RALYL: variants seen among roughly 807,000 people sequenced by gnomAD.
RALYL encodes RALY RNA binding protein like, also known as RNA-binding Raly-like protein.
In RALYL, 29 loss-of-function variants were observed where a neutral mutation model predicts 35.1. The observed-to-expected ratio is 0.83, with a 90% CI of 0.61 to 1.13. RALYL has a LOEUF of 1.13. RALYL is among the 50% of genes most tolerant of loss of function. RALYL has a pLI of 0.00. For missense variants in RALYL, 359 were observed against 360.4 expected (o/e 1.00, Z 0.03); for synonymous variants, 120 against 127.6 (o/e 0.94, Z 0.40).
At chr8:84,410,697 G>C (rs1477581092) in intron 1 of RALYL, among the ~76,000 whole-genome samples, 1 of 151,518 alleles carries the variant, frequency 6.6e-6, no homozygotes. Flanking sequence ...GCATTTTGTA[G>C]ATTAAATAAA....
chr8:84,887,217 T>C (rs1383847542), intron 7 of RALYL, among the ~76,000 whole-genome samples: 1 of 152,188 alleles, frequency 6.6e-6, no homozygotes, highest in Admixed American at 6.5e-5. Flanking sequence ...AAGTTCTATG[T>C]TGTATCTGAT....
At chr8:84,856,578 A>G (rs537169104) in intron 5 of RALYL, among the ~76,000 whole-genome samples, 79 of 152,314 alleles carry the variant, frequency 5.2e-4, no homozygotes, top group Middle Eastern at 6.8e-3. Flanking sequence ...GAATTTACTC[A>G]TTTACTGGTC....
At chr8:84,498,023 G>C (rs1352860276) in intron 1 of RALYL, among the ~76,000 whole-genome samples, 1 of 151,464 alleles carries the variant, frequency 6.6e-6, no homozygotes, top group African/African-American at 2.4e-5. Context: ...TTGTTACAGA[G>C]GTATATTGTG....
intron 8 of RALYL, among the ~76,000 whole-genome samples, chr8:84,889,581 A>T (rs1280197979): frequency 6.6e-6 from 1 of 152,166 alleles, no homozygotes; most frequent in Admixed American, 6.6e-5. Context: ...TCTTCATCAA[A>T]TACTAGAGCG....
chr8:84,495,811 A>C (rs2055942361), intron 1 of RALYL, among the ~76,000 whole-genome samples: 1 of 152,206 alleles, frequency 6.6e-6, no homozygotes, highest in South Asian at 2.1e-4. Flanking sequence ...CAAATGCATA[A>C]AGTGTCTCTT....
chr8:84,270,724 TGAG>T (rs1466422494), intron 1 of RALYL, among the ~76,000 whole-genome samples: 1 of 152,104 alleles, frequency 6.6e-6, no homozygotes, highest in Non-Finnish European at 1.5e-5. Flanking sequence ...ATATTAAAAA[TGAG>T]GAAGTGAAAT....
intron 2 of RALYL, among the ~76,000 whole-genome samples, chr8:84,653,534 C>T (rs533862041): frequency 1.3e-5 from 2 of 152,086 alleles, no homozygotes; most frequent in African/African-American, 4.8e-5. Flanking sequence ...ATTTGGTATA[C>T]TTTTCCCTCT....
At chr8:84,288,165 T>TG (rs1382606853) in intron 1 of RALYL, among the ~76,000 whole-genome samples, 1 of 152,046 alleles carries the variant, frequency 6.6e-6, no homozygotes, top group South Asian at 2.1e-4. Context: ...CTCCTGTTTT[T>TG]TTTTGTTTTG....
At chr8:84,320,841 A>G (rs889885560) in intron 1 of RALYL, among the ~76,000 whole-genome samples, 1 of 152,126 alleles carries the variant, frequency 6.6e-6, no homozygotes, top group Non-Finnish European at 1.5e-5. Flanking sequence ...ATAGATTATC[A>G]GATTTTTTTT....
chr8:84,187,005 T>C (rs1208130997), intron 1 of RALYL, among the ~76,000 whole-genome samples: 1 of 152,108 alleles, frequency 6.6e-6, no homozygotes, highest in Non-Finnish European at 1.5e-5. Flanking sequence ...TCAATTTAAT[T>C]GTGCAGATCT....
At chr8:84,832,429 G>A (rs1194412418) in intron 4 of RALYL, among the ~76,000 whole-genome samples, 1 of 152,052 alleles carries the variant, frequency 6.6e-6, no homozygotes, top group Non-Finnish European at 1.5e-5. Context: ...TAAGAATGAA[G>A]GCATCTAAAG....
At chr8:84,296,412 A>G (rs1180924664) in intron 1 of RALYL, among the ~76,000 whole-genome samples, 1 of 152,102 alleles carries the variant, frequency 6.6e-6, no homozygotes, top group African/African-American at 2.4e-5. Flanking sequence ...TCACATACAT[A>G]TATCCCAGGA....
At chr8:84,199,147 G>A (rs551987156) in intron 1 of RALYL, among the ~76,000 whole-genome samples, 55 of 151,804 alleles carry the variant, frequency 3.6e-4, no homozygotes, top group Non-Finnish European at 5.2e-4. Context: ...CCATATCCTC[G>A]CCAACATTTG....
chr8:84,334,140 T>C (rs963911232), intron 1 of RALYL, among the ~76,000 whole-genome samples: 1 of 152,106 alleles, frequency 6.6e-6, no homozygotes, highest in Non-Finnish European at 1.5e-5. Context: ...CACCTCAGCC[T>C]CCCCAAGTGC....
intron 1 of RALYL, among the ~76,000 whole-genome samples, chr8:84,386,731 G>A (rs1468930352): frequency 1.3e-5 from 2 of 151,718 alleles, no homozygotes; most frequent in Non-Finnish European, 2.9e-5. Context: ...ATCATCTTCA[G>A]GATAAACTAC....
chr8:84,397,055 T>C (rs1403068278), intron 1 of RALYL, among the ~76,000 whole-genome samples: 2 of 152,118 alleles, frequency 1.3e-5, no homozygotes, highest in Non-Finnish European at 2.9e-5. Context: ...GGGCCCAATG[T>C]AATTATACAG....
At chr8:84,773,969 A>C (rs2133580677) in intron 2 of RALYL, among the ~76,000 whole-genome samples, 1 of 152,268 alleles carries the variant, frequency 6.6e-6, no homozygotes, top group East Asian at 1.9e-4. Flanking sequence ...CTATAATCCC[A>C]ACACTTCGGG....
chr8:84,816,032 CAAAAA>C (rs5892931), intron 4 of RALYL, among the ~76,000 whole-genome samples: 1,123 of 84,228 alleles, frequency 0.013, 7 homozygotes, highest in African/African-American at 0.049. Context: ...GACTCTGTCT[CAAAAA>C]AAAAAAAAAA....
intron 1 of RALYL, among the ~76,000 whole-genome samples, chr8:84,241,627 A>C (rs1311451586): frequency 6.6e-6 from 1 of 151,838 alleles, no homozygotes; most frequent in Non-Finnish European, 1.5e-5. Flanking sequence ...AATATGAAAA[A>C]ACTAGCCGGG....
Sources: allele counts gnomAD v4.1 joint callset (sites outside exome capture counted in the v4.1 genomes callset), GRCh38; gene constraint gnomAD v4.1.1; transcripts MANE v1.5; gene names NCBI Gene and HGNC (gene_info 2026-07-23, HGNC 2026-07-21).